Variants in MID1 observed in about 807,000 individuals in gnomAD.
The protein encoded by MID1 is E3 ubiquitin-protein ligase Midline-1.
MID1 carries 7 observed loss-of-function variants against 40.4 expected under a neutral mutation model. The observed-to-expected ratio is 0.17, with a 90% CI of 0.10 to 0.33. The LOEUF (loss-of-function observed/expected upper bound fraction) is 0.33. Ranked by LOEUF, MID1 falls within the 10% of genes least tolerant of loss-of-function variation. The pLI, the probability that MID1 is intolerant of heterozygous loss-of-function variation, is 1.00. For synonymous variants in MID1, 229 were observed against 221.2 expected, an observed-to-expected ratio of 1.04 and a Z score of -0.31; for missense variants, 367 against 558.5, an observed-to-expected ratio of 0.66 and a Z score of 3.46.
intron 2 of MID1, among the ~76,000 whole-genome samples, chrX:10,555,675 A>C (rs1393656468): frequency 9.0e-6 from 1 of 111,212 alleles, no homozygotes; most frequent in Non-Finnish European, 1.9e-5. Flanking sequence ...TAGGGAAAAG[A>C]ATATTTATAA....
chrX:10,817,861 C>T (rs142330201), intron 1 of MID1, among the ~76,000 whole-genome samples: 2,432 of 110,711 alleles, frequency 0.022, 62 homozygotes, highest in African/African-American at 0.074. Context: ...TCAGGTGATC[C>T]GCCTGCCTTG....
intron 1 of MID1, among the ~76,000 whole-genome samples, chrX:10,821,427 C>G (rs1195425439): frequency 8.9e-6 from 1 of 111,891 alleles, no homozygotes; most frequent in Admixed American, 9.5e-5. Context: ...ATTAAAACAG[C>G]CTTGTCATCT....
chrX:10,606,742 ATTTTG>A (rs1412980422), intron 1 of MID1, among the ~76,000 whole-genome samples: 2 of 103,115 alleles, frequency 1.9e-5, no homozygotes, highest in Admixed American at 9.9e-5. Context: ...GTTTTATTTT[ATTTTG>A]TTTTGTTTTG....
At chrX:10,653,691 T>C (rs2042849900) in intron 1 of MID1, among the ~76,000 whole-genome samples, 1 of 112,832 alleles carries the variant, frequency 8.9e-6, no homozygotes, top group Non-Finnish European at 1.9e-5. Flanking sequence ...CCCCTCAAAT[T>C]TGAAAACATA....
At chrX:10,767,477 G>A (rs1292805089) in intron 1 of MID1, among the ~76,000 whole-genome samples, 3 of 110,564 alleles carry the variant, frequency 2.7e-5, no homozygotes, top group Admixed American at 9.7e-5. Context: ...CCGCCACCAC[G>A]CCCAGCTAAT....
chrX:10,589,061 G>A (rs1935208656), intron 1 of MID1, among the ~76,000 whole-genome samples: 2 of 111,287 alleles, frequency 1.8e-5, no homozygotes, highest in Non-Finnish European at 3.8e-5. Flanking sequence ...CACACCACAC[G>A]CACACCACAA....
intron 1 of MID1, among the ~76,000 whole-genome samples, chrX:10,821,065 G>T (rs142337418): frequency 8.9e-6 from 1 of 112,138 alleles, no homozygotes; most frequent in Admixed American, 9.5e-5. Context: ...CAACTCAAGC[G>T]TTGGGTACTC....
intron 1 of MID1, among the ~76,000 whole-genome samples, chrX:10,568,641 C>T (rs1211826893): frequency 9.0e-6 from 1 of 110,803 alleles, no homozygotes; most frequent in Non-Finnish European, 1.9e-5. Flanking sequence ...GGCCTGGGTA[C>T]GACCTCTGCT....
intron 1 of MID1, among the ~76,000 whole-genome samples, chrX:10,811,054 G>A (rs1160504436): frequency 1.8e-5 from 2 of 110,828 alleles, no homozygotes; most frequent in South Asian, 7.7e-4. Flanking sequence ...TCAAACAAAG[G>A]CAAGATGGCC....
chrX:10,629,386 A>T (rs1225815672), intron 1 of MID1, among the ~76,000 whole-genome samples: 6 of 109,650 alleles, frequency 5.5e-5, no homozygotes, highest in Admixed American at 3.9e-4. Context: ...TTTTTAGTAG[A>T]AACAGGGTCT....
chrX:10,643,455 C>T (rs1201968703), intron 1 of MID1, among the ~76,000 whole-genome samples: 1 of 111,682 alleles, frequency 9.0e-6, no homozygotes, highest in African/African-American at 3.3e-5. Context: ...CAAATCAAAA[C>T]CACAATGAGA....
intron 1 of MID1, among the ~76,000 whole-genome samples, chrX:10,726,540 C>G (rs1347927798): frequency 3.6e-5 from 4 of 111,311 alleles, no homozygotes; most frequent in Admixed American, 1.9e-4. Flanking sequence ...ATACATCTGA[C>G]TAAAAATTAT....
chrX:10,607,168 AG>A (rs1372225321), intron 1 of MID1, among the ~76,000 whole-genome samples: 1 of 112,530 alleles, frequency 8.9e-6, no homozygotes, highest in Non-Finnish European at 1.9e-5. Context: ...AGAAATGAAC[AG>A]GTGGGCACCA....
At chrX:10,701,615 C>T (rs1169973239) in intron 1 of MID1, among the ~76,000 whole-genome samples, 1 of 112,300 alleles carries the variant, frequency 8.9e-6, no homozygotes, top group Admixed American at 9.4e-5. Context: ...TGGAAGTTAT[C>T]AACACTTGCT....
At chrX:10,665,488 A>C (rs901303871) in intron 1 of MID1, among the ~76,000 whole-genome samples, 1 of 109,863 alleles carries the variant, frequency 9.1e-6, no homozygotes, top group Admixed American at 9.7e-5. Context: ...TCGAGGCTGC[A>C]AACAGTTCCT....
At chrX:10,543,372 G>A (rs1257392179) in intron 2 of MID1, among the ~76,000 whole-genome samples, 1 of 112,073 alleles carries the variant, frequency 8.9e-6, no homozygotes, top group Non-Finnish European at 1.9e-5. Context: ...AGTCATAATA[G>A]TAACAATGAG....
At chrX:10,486,858 AT>A (rs1014026423) in intron 4 of MID1, among the ~76,000 whole-genome samples, 11 of 110,169 alleles carry the variant, frequency 1.0e-4, no homozygotes, top group Non-Finnish European at 1.9e-4. Flanking sequence ...AGTAAAAAAG[AT>A]TTTTTTTTGA....
At chrX:10,452,908 ATAAT>A (rs763825959) in intron 9 of MID1, among the ~76,000 whole-genome samples, 19 of 112,232 alleles carry the variant, frequency 1.7e-4, no homozygotes, top group African/African-American at 4.2e-4. Context: ...TTCATTTATC[ATAAT>A]TAATTATTAA....
intron 2 of MID1, among the ~76,000 whole-genome samples, chrX:10,557,176 G>C (rs1934154242): frequency 9.0e-6 from 1 of 111,311 alleles, no homozygotes. Flanking sequence ...ATCTACACTG[G>C]CTCAGCTATA....
Sources: gnomAD v4.1 joint callset for allele counts (sites outside exome capture counted in the v4.1 genomes callset) on GRCh38, gnomAD v4.1.1 for gene constraint, MANE v1.5 for transcripts, NCBI Gene and HGNC (gene_info 2026-07-23, HGNC 2026-07-21) for gene names.